The following ACVR2B variants were observed in gnomAD, a reference collection of about 807,000 sequenced individuals.
The protein encoded by ACVR2B is activin A receptor type 2B, also known as activin receptor type-2B.
A neutral mutation model predicts 65.1 loss-of-function variants in ACVR2B; 18 were observed. The observed-to-expected ratio is 0.28, with a 90% CI of 0.19 to 0.41. ACVR2B has a LOEUF of 0.41. Among genes scored for constraint, ACVR2B ranks in the 10% least tolerant of loss-of-function variants. The probability of loss-of-function intolerance (pLI) is 1.00; values close to 1 mark genes in which losing one functional copy is unlikely to be tolerated. For missense variants in ACVR2B, 482 were observed against 682.7 expected (o/e 0.71, Z 3.28); for synonymous variants, 298 against 277.7 (o/e 1.07, Z -0.73).
chr3:38,454,233 G>C lies in ACVR2B; in HGVS notation c.-90G>C, dbSNP rs1229145451. On this transcript the variant is annotated 5_prime_UTR_variant, in exon 1 of 11. Transcript: ENST00000352511. ...ACCGAAGGAAGGAGCGGGAAGGAGA[G>C]CGCAGCCGCCGCCTGGCCCTGCGCG... 3.1e-6 allele frequency: 3 copies of C among 979,088 alleles called. No individual in the cohort carries two copies. The highest frequency in any genetic ancestry group is 4.8e-5 in the East Asian group (1 of 20,636). 60.7% of individuals were successfully genotyped at this position (979,088 alleles called of 1,614,324 possible).
Position 38,454,290 on chromosome 3 carries a change from G to A in ACVR2B, c.-33G>A. 1.6e-6 allele frequency: 2 copies of A among 1,251,804 alleles called. No individual in the cohort carries two copies. The highest frequency in any genetic ancestry group is 2.0e-6 in the Non-Finnish European group (2 of 1,000,162). The allele number at this position is 1,251,804 out of a possible 1,614,324, so 77.5% of individuals were successfully genotyped here. ...GAGCGCCGTGCGGCCCTGCCCGCGG[G>A]CTCCGGGTGTGCGCGGGGCGGCGCC... On this transcript the variant is annotated 5_prime_UTR_variant, in exon 1 of 11. Coordinates refer to ENST00000352511, the MANE Select transcript of ACVR2B (RefSeq NM_001106.4).
At chr3:38,468,596 T>G (rs1709770637) in intron 1 of ACVR2B, among the ~76,000 whole-genome samples, 1 of 152,204 alleles carries the variant, frequency 6.6e-6, no homozygotes, top group East Asian at 1.9e-4. Context: ...ACTAACCAAC[T>G]CTTCTGTCTT....
chr3:38,463,352 G>C (rs189877595), intron 1 of ACVR2B, among the ~76,000 whole-genome samples: 48 of 152,330 alleles, frequency 3.2e-4, no homozygotes, highest in Non-Finnish European at 1.2e-4. Flanking sequence ...GACAAATTCT[G>C]ATTTCATATG....
intron 1 of ACVR2B, among the ~76,000 whole-genome samples, chr3:38,463,521 A>C (rs993033580): frequency 1.3e-5 from 2 of 152,214 alleles, no homozygotes; most frequent in Non-Finnish European, 2.9e-5. Context: ...AGTTGGCAGA[A>C]GACTTAGGGA....
chr3:38,488,239 A>C lies in ACVR2B; in HGVS notation c.*4907A>C, dbSNP rs759622741. ...CCCAGTAATTCAGTTGATGAACTGT[A>C]TATCTTCTCAGTCTAGATTTGTAAA... is the stretch of plus-strand genomic sequence containing the variant. On this transcript the variant is annotated 3_prime_UTR_variant, in exon 11 of 11. Transcript: ENST00000352511. 2.0e-5 allele frequency: 3 copies of C among 152,228 alleles called. No individual in the cohort carries two copies. The highest frequency in any genetic ancestry group is 7.2e-5 in the African/African-American group (3 of 41,456). 9.4% of individuals were successfully genotyped at this position (152,228 alleles called of 1,614,324 possible).
intron 7 of ACVR2B, among the ~76,000 whole-genome samples, chr3:38,480,434 C>A (rs1338466444): frequency 6.6e-6 from 1 of 152,180 alleles, no homozygotes; most frequent in Non-Finnish European, 1.5e-5. Context: ...TGAGAAGTAT[C>A]AATTCATTTG....
At chr3:38,471,021 G>A (rs184170873) in intron 1 of ACVR2B, among the ~76,000 whole-genome samples, 191 of 152,306 alleles carry the variant, frequency 1.3e-3, no homozygotes, top group Admixed American at 2.0e-3. Context: ...GAATTGGGGG[G>A]AGGGAAGAGA....
intron 1 of ACVR2B, among the ~76,000 whole-genome samples, chr3:38,459,980 C>T (rs1709615546): frequency 6.6e-6 from 1 of 152,184 alleles, no homozygotes; most frequent in Admixed American, 6.5e-5. Flanking sequence ...TCATCTTGAA[C>T]TCAGTGAGAC....
At chr3:38,475,475 G>A (rs947310291) in intron 1 of ACVR2B, 8 of 152,146 alleles carry the variant, frequency 5.3e-5, no homozygotes, top group African/African-American at 1.2e-4. Context: ...GTGACATTTC[G>A]GACCCTTAGG....
intron 1 of ACVR2B, chr3:38,474,559 G>T (rs1378594193): frequency 2.0e-5 from 3 of 152,254 alleles, no homozygotes; most frequent in Non-Finnish European, 2.9e-5. Flanking sequence ...TCCTGCCTTT[G>T]TCGGCTTTCC....
intron 1 of ACVR2B, among the ~76,000 whole-genome samples, chr3:38,468,173 C>A (rs143290676): frequency 6.6e-6 from 1 of 152,250 alleles, no homozygotes; most frequent in Admixed American, 6.5e-5. Flanking sequence ...AGCCACCATG[C>A]GGGCCTGATG....
intron 1 of ACVR2B, among the ~76,000 whole-genome samples, chr3:38,456,482 G>A (rs1170042111): frequency 6.6e-6 from 1 of 152,184 alleles, no homozygotes; most frequent in Non-Finnish European, 1.5e-5. Flanking sequence ...TCTAGTAGTC[G>A]TGTTAATAAA....
intron 1 of ACVR2B, among the ~76,000 whole-genome samples, chr3:38,457,358 C>T (rs1314469099): frequency 6.6e-6 from 1 of 152,198 alleles, no homozygotes; most frequent in African/African-American, 2.4e-5. Flanking sequence ...TTCCACATTT[C>T]CAGTGCTCTG....
At chr3:38,457,202 CA>C (rs35271460) in intron 1 of ACVR2B, among the ~76,000 whole-genome samples, 1 of 151,040 alleles carries the variant, frequency 6.6e-6, no homozygotes, top group Admixed American at 6.6e-5. Context: ...GGCTCCGTCT[CA>C]AAAAAAAAGT....
At chr3:38,463,239 C>T (rs192339646) in intron 1 of ACVR2B, among the ~76,000 whole-genome samples, 28 of 152,284 alleles carry the variant, frequency 1.8e-4, no homozygotes, top group Non-Finnish European at 3.7e-4. Flanking sequence ...CTCTATGCTG[C>T]GTGCAGACTC....
At position 38,488,726 on chromosome 3, in the gene ACVR2B, G is replaced by C. The variant is rs2125731182; in HGVS notation, c.*5394G>C. 1 of 152,210 alleles carries C rather than the reference G, an allele frequency of 6.6e-6. No individual in the cohort carries two copies. Among genetic ancestry groups the C allele is most frequent in the Middle Eastern group, 3.4e-3 (1 of 294 alleles). The allele number at this position is 152,210 out of a possible 1,614,324, so 9.4% of individuals were successfully genotyped here. A position where few individuals can be genotyped will look rare whatever the true frequency, so the allele number is the denominator to read the frequency against. ...TGCCAAAACCAGTGATACTTTATTT[G>C]CTCCTATGGCAGCTCATAGAGGTAA... On this transcript the variant is annotated 3_prime_UTR_variant, in exon 11 of 11. Transcript: ENST00000352511.
At chr3:38,454,615 A>G in intron 1 of ACVR2B, 1 of 339,988 alleles carries the variant, frequency 2.9e-6, no homozygotes, top group East Asian at 4.5e-5. Flanking sequence ...CGCCCCTGCG[A>G]TGGGGGCCGG....
chr3:38,482,112 G>T, intron 8 of ACVR2B, 86 bp from the exon 9 acceptor site: 1 of 1,587,312 alleles, frequency 6.3e-7, no homozygotes. Flanking sequence ...CCCGCCATCT[G>T]GTGCACAGAG....
chr3:38,468,189 A>G (rs1485780760), intron 1 of ACVR2B, among the ~76,000 whole-genome samples: 1 of 152,208 alleles, frequency 6.6e-6, no homozygotes, highest in Admixed American at 6.5e-5. Context: ...TGATGTAAGA[A>G]TTCTTAATAA....
Sources: gnomAD v4.1 joint callset for allele counts (sites outside exome capture counted in the v4.1 genomes callset) on GRCh38, gnomAD v4.1.1 for gene constraint, MANE v1.5 for transcripts, NCBI Gene and HGNC (gene_info 2026-07-23, HGNC 2026-07-21) for gene names.